RGS6: variants seen among roughly 807,000 people sequenced by gnomAD.
RGS6 encodes regulator of G protein signaling 6.
A neutral mutation model predicts 78.5 loss-of-function variants in RGS6; 30 were observed. The observed-to-expected ratio is 0.38, with a 90% CI of 0.29 to 0.52. The LOEUF is 0.52. RGS6 is among the 20% of genes least tolerant of loss of function. The pLI is 0.85. For synonymous variants in RGS6, 206 were observed against 206.0 expected (o/e 1.00, Z 0.00); for missense variants, 495 against 609.7 (o/e 0.81, Z 1.98).
intron 9 of RGS6, among the ~76,000 whole-genome samples, chr14:72,474,350 C>T (rs564237792): frequency 3.9e-5 from 6 of 152,180 alleles, no homozygotes; most frequent in Non-Finnish European, 8.8e-5. Flanking sequence ...ATTTTAAGGA[C>T]TGTGTCTGAG....
rs1319460335 is a variant in RGS6 at position 72,566,342 on chromosome 14, C to A, written c.*3875C>A. 1.3e-5 allele frequency: 2 copies of A among 152,220 alleles called. No individual in the cohort carries two copies. The highest frequency in any genetic ancestry group is 4.8e-5 in the African/African-American group (2 of 41,448). 9.4% of individuals were successfully genotyped at this position (152,220 alleles called of 1,614,324 possible). ...AGCTGTCTGGGGAGGGAAGGCCCTGCTCCATACCAGGGGTCCCTGTTCTAT... is the reference window on the plus strand; with the variant it reads ...AGCTGTCTGGGGAGGGAAGGCCCTGATCCATACCAGGGGTCCCTGTTCTAT... On this transcript the variant is annotated 3_prime_UTR_variant, in exon 18 of 18. Transcript: ENST00000553525.
the RGS6 span, among the ~76,000 whole-genome samples, chr14:71,895,859 G>C: frequency 6.6e-6 from 1 of 152,128 alleles, no homozygotes; most frequent in Non-Finnish European, 1.5e-5. Flanking sequence ...TTGCAGTAGA[G>C]GGCTCTCACC....
chr14:72,592,270 C>A, the RGS6 span, among the ~76,000 whole-genome samples: 1 of 152,252 alleles, frequency 6.6e-6, no homozygotes, highest in Non-Finnish European at 1.5e-5. Flanking sequence ...GGAGAAGTCA[C>A]AAAATTTTCT....
chr14:71,939,116 A>G (rs1248971852), intron 1 of RGS6, among the ~76,000 whole-genome samples: 2 of 152,146 alleles, frequency 1.3e-5, no homozygotes, highest in African/African-American at 4.8e-5. Context: ...TCACTCAATA[A>G]ATGGGCCGGA....
At chr14:72,005,467 A>ATCTATCTATCTATC (rs1555428453) in intron 2 of RGS6, among the ~76,000 whole-genome samples, 1 of 151,172 alleles carries the variant, frequency 6.6e-6, no homozygotes, top group African/African-American at 2.4e-5. Flanking sequence ...CTATCTATCT[A>ATCTATCTATCTATC]TATCTCCCTA....
intron 15 of RGS6, among the ~76,000 whole-genome samples, chr14:72,532,687 G>C (rs1018540824): frequency 2.0e-5 from 3 of 152,170 alleles, no homozygotes; most frequent in African/African-American, 7.2e-5. Context: ...CAACCTTATT[G>C]CTGATATGGA....
chr14:72,452,799 C>CA, intron 3 of RGS6, among the ~76,000 whole-genome samples: 1 of 152,214 alleles, frequency 6.6e-6, no homozygotes, highest in Non-Finnish European at 1.5e-5. Flanking sequence ...CTTTGGGTGG[C>CA]AAAGGTAGAT....
chr14:72,114,136 T>C (rs879489445), intron 2 of RGS6, among the ~76,000 whole-genome samples: 1 of 152,182 alleles, frequency 6.6e-6, no homozygotes, highest in Non-Finnish European at 1.5e-5. Flanking sequence ...ACAGCTTTAC[T>C]CAGGTAGGGT....
At chr14:72,611,567 G>T in the RGS6 span, among the ~76,000 whole-genome samples, 1 of 152,080 alleles carries the variant, frequency 6.6e-6, no homozygotes, top group Admixed American at 6.6e-5. Flanking sequence ...CCACTGTGGG[G>T]GTCATTTTCT....
At chr14:72,370,981 A>C (rs2083403143) in intron 3 of RGS6, among the ~76,000 whole-genome samples, 1 of 152,206 alleles carries the variant, frequency 6.6e-6, no homozygotes, top group African/African-American at 2.4e-5. Context: ...TTGTCCTTAA[A>C]AGCTGTTTCA....
intron 2 of RGS6, among the ~76,000 whole-genome samples, chr14:72,154,462 C>A (rs1040797833): frequency 3.3e-5 from 5 of 152,142 alleles, no homozygotes; most frequent in African/African-American, 1.2e-4. Context: ...ATGAAATCTT[C>A]ACAATTTATG....
At chr14:71,962,421 C>T (rs971580399) in intron 1 of RGS6, among the ~76,000 whole-genome samples, 5 of 152,060 alleles carry the variant, frequency 3.3e-5, no homozygotes, top group African/African-American at 9.7e-5. Context: ...TAAAATAAAG[C>T]GACAGAAACT....
chr14:72,568,474 G>T (rs1349004572), downstream of RGS6, among the ~76,000 whole-genome samples: 1 of 152,160 alleles, frequency 6.6e-6, no homozygotes, highest in Non-Finnish European at 1.5e-5. Context: ...CAACCTCGAG[G>T]CTGTAGGCTT....
At chr14:71,981,076 C>G (rs1276394820) in intron 2 of RGS6, among the ~76,000 whole-genome samples, 1 of 150,156 alleles carries the variant, frequency 6.7e-6, no homozygotes, top group Non-Finnish European at 1.5e-5. Flanking sequence ...CTTCTGCATT[C>G]TTCACATAGT....
At chr14:72,423,299 T>C (rs1023189334) in intron 3 of RGS6, among the ~76,000 whole-genome samples, 12 of 152,186 alleles carry the variant, frequency 7.9e-5, no homozygotes, top group Non-Finnish European at 1.6e-4. Context: ...CCCCACCCCA[T>C]GTCATGTTTA....
upstream of RGS6, among the ~76,000 whole-genome samples, chr14:71,930,435 C>T (rs1320944501): frequency 6.6e-6 from 1 of 152,138 alleles, no homozygotes; most frequent in Admixed American, 6.5e-5. Flanking sequence ...CATACACATA[C>T]ATATGAAATC....
intron 2 of RGS6, among the ~76,000 whole-genome samples, chr14:72,334,940 C>T (rs2075761666): frequency 6.6e-6 from 1 of 152,118 alleles, no homozygotes; most frequent in African/African-American, 2.4e-5. Context: ...GTGTCCACAC[C>T]CAAATCTCAT....
chr14:72,326,236 T>A (rs1355169007), intron 2 of RGS6, among the ~76,000 whole-genome samples: 1 of 152,200 alleles, frequency 6.6e-6, no homozygotes, highest in African/African-American at 2.4e-5. Context: ...AAGGATATAA[T>A]CTCTAAGAAA....
chr14:72,110,106 C>A (rs1380998665), intron 2 of RGS6, among the ~76,000 whole-genome samples: 1 of 152,160 alleles, frequency 6.6e-6, no homozygotes, highest in Admixed American at 6.5e-5. Context: ...ATGTAGAGTT[C>A]TTTTGTTCAG....
Sources: gnomAD v4.1 joint callset for allele counts (sites outside exome capture counted in the v4.1 genomes callset) on GRCh38, gnomAD v4.1.1 for gene constraint, MANE v1.5 for transcripts, NCBI Gene and HGNC (gene_info 2026-07-23, HGNC 2026-07-21) for gene names.